The following ELMOD1 variants were observed in gnomAD, a reference collection of about 807,000 sequenced individuals.
The protein encoded by ELMOD1 is ELMO domain-containing protein 1.
In ELMOD1, 21 loss-of-function variants were observed where a neutral mutation model predicts 46.7. That is an observed-to-expected ratio of 0.45 (90% CI 0.32 to 0.65). The LOEUF is 0.65. Among genes scored for constraint, ELMOD1 ranks in the 30% least tolerant of loss-of-function variants. The pLI, the probability that ELMOD1 is intolerant of heterozygous loss-of-function variation, is 0.04. For synonymous variants in ELMOD1, 122 were observed against 138.2 expected (o/e 0.88, Z 0.82); for missense variants, 348 against 407.8 (o/e 0.85, Z 1.26).
rs773570377 is a variant in ELMOD1 at position 107,659,663 on chromosome 11, G to GTGGATGGA, written c.832+3637_832+3644dup. ...GGGGGTTGGGTGGGTGGGTGGGTGG[G>GTGGATGGA]TGGATGGATGGATGGATGGATGGAT... On this transcript the variant is annotated intron_variant, in intron 11 of 11. Transcript: ENST00000265840. 2.9e-4 allele frequency among the ~76,000 whole-genome samples: 26 copies of GTGGATGGA among 90,062 alleles called. No individual in the cohort carries two copies. In the East Asian group the frequency reaches 3.3e-3, roughly 11 times the overall value. 59.1% of individuals were successfully genotyped at this position (90,062 alleles called of 152,430 possible). A position where few individuals can be genotyped will look rare whatever the true frequency, so the allele number is the denominator to read the frequency against.
intron 6 of ELMOD1, among the ~76,000 whole-genome samples, chr11:107,640,310 A>T (rs1866299896): frequency 6.6e-6 from 1 of 152,226 alleles, no homozygotes; most frequent in African/African-American, 2.4e-5. Flanking sequence ...TAGCCTTTCA[A>T]TATTTAGCAA....
rs1565386899 is a variant in ELMOD1 at position 107,646,986 on chromosome 11, CTACCTAT to C, written c.421-481_421-475del. Among the ~76,000 whole-genome samples, 10 of 150,654 alleles carry C rather than the reference CTACCTAT, an allele frequency of 6.6e-5. No homozygotes were observed. The Middle Eastern group carries it at 0.01, about 155-fold the overall frequency. On this transcript the variant is annotated intron_variant, in intron 6 of 11. Coordinates refer to ENST00000265840, the MANE Select transcript of ELMOD1 (RefSeq NM_018712.4). ...TCTATCTATCTATCTATCTATCTAT[CTACCTAT>C]CTACCTACCATCTAATTTCCTATTC...
chr11:107,641,397 T>G (rs1565384265), intron 6 of ELMOD1, among the ~76,000 whole-genome samples: 1 of 152,156 alleles, frequency 6.6e-6, no homozygotes, highest in Non-Finnish European at 1.5e-5. Context: ...CACAATTTAG[T>G]AAAACCAAGA....
intron 1 of ELMOD1, chr11:107,591,701 GGTCGCCTAGC>G (rs1865395629): frequency 2.7e-6 from 1 of 369,358 alleles, no homozygotes; most frequent in African/African-American, 2.1e-5. Context: ...CCCGGGCGTA[GGTCGCCTAGC>G]GACCTAACGC....
intron 6 of ELMOD1, among the ~76,000 whole-genome samples, chr11:107,645,270 A>G (rs1866408377): frequency 6.7e-6 from 1 of 149,872 alleles, no homozygotes; most frequent in African/African-American, 2.5e-5. Flanking sequence ...ACTTTTCCCC[A>G]ATGACGATCA....
chr11:107,639,271 C>T (rs1211920774), intron 6 of ELMOD1, among the ~76,000 whole-genome samples: 1 of 152,082 alleles, frequency 6.6e-6, no homozygotes, highest in African/African-American at 2.4e-5. Context: ...GCTTTTTAAG[C>T]ATAGGAGAGC....
intron 1 of ELMOD1, among the ~76,000 whole-genome samples, chr11:107,616,129 G>C (rs1032438589): frequency 1.3e-5 from 2 of 151,036 alleles, no homozygotes; most frequent in African/African-American, 4.9e-5. Context: ...CCAAGTAGCT[G>C]GGATTACAGG....
intron 2 of ELMOD1, chr11:107,625,637 C>A: frequency 1.1e-6 from 1 of 885,652 alleles, no homozygotes; most frequent in Non-Finnish European, 1.4e-6. Context: ...TAACAAAGCG[C>A]CACAAGACCG....
At chr11:107,663,768 A>C (rs1866787452) in intron 11 of ELMOD1, among the ~76,000 whole-genome samples, 1 of 152,222 alleles carries the variant, frequency 6.6e-6, no homozygotes, top group Admixed American at 6.5e-5. Flanking sequence ...GCTAGTTACT[A>C]GAAAAACAAA....
chr11:107,654,907 T>A (rs1371376470), intron 10 of ELMOD1, among the ~76,000 whole-genome samples: 1 of 151,960 alleles, frequency 6.6e-6, no homozygotes, highest in Non-Finnish European at 1.5e-5. Context: ...GAATAGAGAA[T>A]TTTTTTTCTG....
At chr11:107,645,089 ATTTTTTTTTTTT>A (rs11390120) in intron 6 of ELMOD1, among the ~76,000 whole-genome samples, 18 of 103,206 alleles carry the variant, frequency 1.7e-4, no homozygotes, top group Admixed American at 3.5e-4. Context: ...TGCCTGGCTA[ATTTTTTTTTTTT>A]TTTTTTTTTG....
rs1462480378 is a variant in ELMOD1, at chr11:107,605,425, T to C, written c.-85-12680T>C. 2.6e-5 allele frequency among the ~76,000 whole-genome samples: 4 copies of C among 152,294 alleles called. No individual in the cohort carries two copies. The East Asian group carries it at 7.7e-4, about 29-fold the overall frequency. On this transcript the variant is annotated intron_variant, in intron 1 of 11. Transcript: ENST00000265840. Reference sequence around the variant, plus strand: ...CATGTTGCCCAGGCTGGTCTTGAACTCCTGACCTCAAGTGATCCGCCCACC... The same window carrying C: ...CATGTTGCCCAGGCTGGTCTTGAACCCCTGACCTCAAGTGATCCGCCCACC...
rs186407383 is a variant in ELMOD1 at position 107,632,694 on chromosome 11, A to G, written c.290+1017A>G. ...TTATTCCTCTGGGAAGGTGATAAGAAGGCAGTTCATTATAAATAAGATTGA... is the reference window on the plus strand; with the variant it reads ...TTATTCCTCTGGGAAGGTGATAAGAGGGCAGTTCATTATAAATAAGATTGA... On this transcript the variant is annotated intron_variant, in intron 5 of 11. Coordinates refer to ENST00000265840, the MANE Select transcript of ELMOD1 (RefSeq NM_018712.4). Among the ~76,000 whole-genome samples the G allele has an allele frequency of 6.6e-5, 10 of 152,352 alleles. No individual in the cohort carries two copies. In the East Asian group the frequency reaches 1.9e-3, roughly 29 times the overall value.
intron 11 of ELMOD1, among the ~76,000 whole-genome samples, chr11:107,664,302 TAATTAAACA>T (rs1866798565): frequency 6.6e-6 from 1 of 151,680 alleles, no homozygotes; most frequent in Non-Finnish European, 1.5e-5. Context: ...TAGATAAAAA[TAATTAAACA>T]AATGTGGTAG....
rs7951860 is a variant in ELMOD1 at position 107,648,031 on chromosome 11, A to T, written c.554+430A>T. ...ATATTTTAATATGTAGTTCTAAAAA[A>T]ATATAAATATTACCTCACATTCACC... On this transcript the variant is annotated intron_variant, in intron 7 of 11. Transcript: ENST00000265840. Among the ~76,000 whole-genome samples the T allele has an allele frequency of 3.9e-5, 6 of 152,316 alleles. No homozygotes were observed. The East Asian group carries it at 9.6e-4, about 24-fold the overall frequency.
In ELMOD1 at chr11:107,641,313, A is replaced by G. The variant is rs574015039; in HGVS notation, c.420+5548A>G. ...TCTCAAAAAAGAAAAAAGAAAAAAA[A>G]TAAGTATATATATATATATATCTCT... is the stretch of plus-strand genomic sequence containing the variant. On this transcript the variant is annotated intron_variant, in intron 6 of 11. Coordinates refer to ENST00000265840, the MANE Select transcript of ELMOD1 (RefSeq NM_018712.4). Among the ~76,000 whole-genome samples, 52 of 124,936 alleles carry G rather than the reference A, an allele frequency of 4.2e-4. 1 individual carries two copies. The South Asian group carries it at 6.0e-3, about 14-fold the overall frequency. The allele number at this position is 124,936 out of a possible 152,430, so 82.0% of individuals were successfully genotyped here.
intron 1 of ELMOD1, among the ~76,000 whole-genome samples, chr11:107,599,889 T>G (rs1054205148): frequency 2.0e-5 from 3 of 152,160 alleles, no homozygotes; most frequent in Admixed American, 6.5e-5. Flanking sequence ...AAATTCCTTT[T>G]CATTGTTGTT....
At chr11:107,624,510 G>C (rs1408732189) in intron 2 of ELMOD1, among the ~76,000 whole-genome samples, 1 of 152,160 alleles carries the variant, frequency 6.6e-6, no homozygotes, top group African/African-American at 2.4e-5. Context: ...AATTAGCTGA[G>C]CATTGTGGCG....
At chr11:107,599,769 A>AG (rs1158753455) in intron 1 of ELMOD1, among the ~76,000 whole-genome samples, 2,877 of 149,426 alleles carry the variant, frequency 0.019, 95 homozygotes, top group African/African-American at 0.066. Flanking sequence ...AGAAAAGAAA[A>AG]AAAAAAAAAA....
Sources: gnomAD v4.1 joint callset for allele counts (sites outside exome capture counted in the v4.1 genomes callset) on GRCh38, gnomAD v4.1.1 for gene constraint, MANE v1.5 for transcripts, NCBI Gene and HGNC (gene_info 2026-07-23, HGNC 2026-07-21) for gene names.